Variants in CECR2 observed in about 807,000 individuals in gnomAD.
CECR2 encodes chromatin remodeling regulator CECR2.
CECR2 carries 30 observed loss-of-function variants against 154.5 expected under a neutral mutation model. The observed-to-expected ratio is 0.19, with a 90% CI of 0.15 to 0.26. The LOEUF (loss-of-function observed/expected upper bound fraction) is 0.26. Among genes scored for constraint, CECR2 ranks in the 10% least tolerant of loss-of-function variants. The pLI is 1.00. For missense variants in CECR2, 1,743 were observed against 1,829.3 expected (o/e 0.95, Z 0.86); for synonymous variants, 725 against 683.7 (o/e 1.06, Z -0.94).
At chr22:17,386,375 T>G (rs540211357) in intron 1 of CECR2, among the ~76,000 whole-genome samples, 38 of 152,108 alleles carry the variant, frequency 2.5e-4, no homozygotes, top group Non-Finnish European at 3.4e-4. Context: ...AAAAAAAACT[T>G]TTTTCACAAA....
At chr22:17,466,346 G>C (rs1473414615) in intron 1 of CECR2, among the ~76,000 whole-genome samples, 3 of 152,142 alleles carry the variant, frequency 2.0e-5, no homozygotes, top group Non-Finnish European at 4.4e-5. Flanking sequence ...GCAAATTTCT[G>C]TTACTCAAAA....
chr22:17,365,627 C>T (rs1490872639), upstream of CECR2, among the ~76,000 whole-genome samples: 1 of 151,988 alleles, frequency 6.6e-6, no homozygotes, highest in Non-Finnish European at 1.5e-5. Flanking sequence ...ACCGGGGAGG[C>T]GGAGCTTGCA....
At chr22:17,378,235 G>A (rs1000232303) in intron 1 of CECR2, among the ~76,000 whole-genome samples, 3 of 150,782 alleles carry the variant, frequency 2.0e-5, no homozygotes, top group Non-Finnish European at 2.9e-5. Context: ...CGCCCGCCTT[G>A]GCCTCCCAAA....
At position 17,542,971 on chromosome 22, in the gene CECR2, A is replaced by T. The variant is rs1291161615; in HGVS notation, c.2828A>T (p.Asn943Ile). 1 of 1,612,042 alleles carries T rather than the reference A, an allele frequency of 6.2e-7. No homozygotes were observed. Among genetic ancestry groups the T allele is most frequent in the Non-Finnish European group, 8.5e-7 (1 of 1,178,804 alleles). The change falls in exon 16 of 19, where the codon AAC (asparagine) becomes ATC (isoleucine). Residue 943 changes from asparagine to isoleucine, a missense_variant. Physicochemically the swap from Asn to Ile is moderately radical, Grantham distance 149 (BLOSUM62 -3). Coordinates refer to ENST00000262608, the MANE Select transcript of CECR2 (RefSeq NM_001290047.2). ...GGCAACCCTGGGAGGGCACCGGAGA[A>T]CAGTGAAGCACAAGAGCCTGAGAAT... ...ALGNPGRAPE[N>I]SEAQEPENDQ... is the part of the protein sequence containing the mutation.
chr22:17,493,939 G>GA (rs1359082879), intron 2 of CECR2, among the ~76,000 whole-genome samples: 2 of 152,126 alleles, frequency 1.3e-5, no homozygotes, highest in African/African-American at 4.8e-5. Flanking sequence ...TTTATTGCAG[G>GA]AAAAAACAGA....
chr22:17,442,360 G>A (rs559180754), intron 1 of CECR2, among the ~76,000 whole-genome samples: 3 of 152,278 alleles, frequency 2.0e-5, no homozygotes, highest in Non-Finnish European at 2.9e-5. Flanking sequence ...GAGGCTAGGA[G>A]TTCTGGAGCA....
At chr22:17,405,372 A>G (rs2053965181) in intron 1 of CECR2, among the ~76,000 whole-genome samples, 1 of 152,032 alleles carries the variant, frequency 6.6e-6, no homozygotes, top group Non-Finnish European at 1.5e-5. Context: ...AGATTGCGCC[A>G]TGGCACTCCA....
chr22:17,521,433 A>C (rs966195183), intron 8 of CECR2, among the ~76,000 whole-genome samples: 1 of 151,876 alleles, frequency 6.6e-6, no homozygotes, highest in African/African-American at 2.4e-5. Flanking sequence ...CCAGCTACTC[A>C]GGAGGCTGAC....
upstream of CECR2, chr22:17,369,378 T>G (rs1418175090): frequency 6.6e-6 from 1 of 150,944 alleles, no homozygotes; most frequent in Non-Finnish European, 1.5e-5. Context: ...GGGGTTGTTG[T>G]TGTGGCGCGG....
chr22:17,434,653 G>T (rs1317905892), intron 1 of CECR2, among the ~76,000 whole-genome samples: 1 of 137,996 alleles, frequency 7.2e-6, no homozygotes, highest in African/African-American at 2.8e-5. Flanking sequence ...CACCCCCCCT[G>T]CTGCTCCCCG....
At chr22:17,425,755 T>G (rs767873457) in intron 1 of CECR2, among the ~76,000 whole-genome samples, 4 of 152,114 alleles carry the variant, frequency 2.6e-5, no homozygotes, top group Non-Finnish European at 5.9e-5. Context: ...AATCTAGAGA[T>G]AAACCAGATA....
chr22:17,420,089 C>T (rs5992046), intron 1 of CECR2, among the ~76,000 whole-genome samples: 33,690 of 152,026 alleles, frequency 0.22, 5,366 homozygotes, highest in African/African-American at 0.45. Context: ...TCAATACTTA[C>T]GAAAGGAAGA....
rs553417588 is a variant in CECR2, at chr22:17,398,657, T to TG, written c.126+28751dup. Among the ~76,000 whole-genome samples, 117 of 152,248 alleles carry TG rather than the reference T, an allele frequency of 7.7e-4. 1 individual carries two copies. Among genetic ancestry groups the TG allele is most frequent in the African/African-American group, 2.7e-3 (114 of 41,552 alleles). The stretch of plus-strand genomic sequence containing the variant: ...CACTCAGTTTTCTCATCTTTAGAAA[T>TG]GGGAATAAACAGTACTGCTTGTGGA... On this transcript the variant is annotated intron_variant, in intron 1 of 18. Coordinates refer to ENST00000262608, the MANE Select transcript of CECR2 (RefSeq NM_001290047.2).
At position 17,541,940 on chromosome 22, in the gene CECR2, G is replaced by C; in HGVS notation, c.1986G>C (p.Val662=). 1 of 1,613,914 alleles carries C rather than the reference G, an allele frequency of 6.2e-7. No homozygotes were observed. The highest frequency in any genetic ancestry group is 1.7e-5 in the Admixed American group (1 of 60,004). Reference sequence around the variant, plus strand: ...CGGAGCCACACCCCGGGGAGCCTGTGCAGCAGCGTCAGCCTTTCACCATGC... The same window carrying C: ...CGGAGCCACACCCCGGGGAGCCTGTCCAGCAGCGTCAGCCTTTCACCATGC... ...GVPEPHPGEP[V]QQRQPFTMQP... is the part of the protein sequence containing the mutation. The change falls in exon 15 of 19, where the codon GTG becomes GTC. Residue 662 remains valine (V), a synonymous_variant. Transcript: ENST00000262608.
At chr22:17,539,264 C>A in intron 13 of CECR2, 145 bp downstream of exon 13, 1 of 851,370 alleles carries the variant, frequency 1.2e-6, no homozygotes, top group Non-Finnish European at 1.8e-6. Flanking sequence ...ACCATTCCAG[C>A]CACTTATACA....
At chr22:17,477,301 T>C in intron 1 of CECR2, 1 of 606,262 alleles carries the variant, frequency 1.6e-6, no homozygotes, top group Non-Finnish European at 2.9e-6. Flanking sequence ...ATTATGCAGC[T>C]AGCATTGATT....
At chr22:17,367,727 G>A (rs1244053444), upstream of CECR2, among the ~76,000 whole-genome samples, 1 of 152,170 alleles carries the variant, frequency 6.6e-6, no homozygotes, top group African/African-American at 2.4e-5. Flanking sequence ...CAAACTGTGA[G>A]GAAATAAAAG....
intron 7 of CECR2, among the ~76,000 whole-genome samples, chr22:17,508,020 T>C (rs528155586): frequency 1.4e-4 from 22 of 152,350 alleles, no homozygotes; most frequent in South Asian, 6.2e-4. Context: ...CTGTTCGTTC[T>C]GATATAGATA....
intron 3 of CECR2, among the ~76,000 whole-genome samples, chr22:17,498,973 A>G (rs903176261): frequency 3.4e-5 from 5 of 148,658 alleles, no homozygotes; most frequent in Non-Finnish European, 7.4e-5. Flanking sequence ...AGATACTTGG[A>G]CATTTTTATT....
Sources: allele counts gnomAD v4.1 joint callset (sites outside exome capture counted in the v4.1 genomes callset), GRCh38; gene constraint gnomAD v4.1.1; transcripts MANE v1.5; gene names NCBI Gene and HGNC (gene_info 2026-07-23, HGNC 2026-07-21).